The following ADA2 variants were observed in gnomAD, a reference collection of about 807,000 sequenced individuals.
ADA2 encodes adenosine deaminase 2.
In ADA2, 29 loss-of-function variants were observed where a neutral mutation model predicts 44.2. The observed-to-expected ratio is 0.66, with a 90% CI of 0.49 to 0.89. ADA2 has a LOEUF of 0.89. ADA2 is among the 40% of genes least tolerant of loss of function. ADA2 has a pLI of 0.00. For missense variants in ADA2, 637 were observed against 644.8 expected (o/e 0.99, Z 0.13); for synonymous variants, 215 against 234.9 (o/e 0.92, Z 0.77).
intron 4 of ADA2, 73 bp from the exon 5 acceptor site, chr22:17,191,883 C>CCCAGCCACCCCTGG (rs1385360984): frequency 1.4e-6 from 2 of 1,472,392 alleles, no homozygotes; most frequent in Admixed American, 3.8e-5. Flanking sequence ...GCCACCCCTG[C>CCCAGCCACCCCTGG]CCAGCCACCC....
intron 4 of ADA2, among the ~76,000 whole-genome samples, chr22:17,202,673 G>A (rs192534638): frequency 1.2e-4 from 19 of 152,104 alleles, no homozygotes; most frequent in Admixed American, 1.1e-3. Context: ...CAGCTATCTC[G>A]ATGTTCTTTT....
rs45511697 is a variant in ADA2, at chr22:17,188,348, C to T, written c.1072G>A (p.Gly358Arg). 2.0e-5 allele frequency: 33 copies of T among 1,613,038 alleles called. No homozygotes were observed. Among genetic ancestry groups the T allele is most frequent in the African/African-American group, 9.3e-5 (7 of 75,042 alleles). Residue 358 changes from glycine to arginine, a missense_variant, in exon 7 of 10, where the codon GGA becomes AGA. Physicochemically the swap from Gly to Arg is moderately radical, Grantham distance 125. Coordinates refer to ENST00000399837, the MANE Select transcript of ADA2 (RefSeq NM_001282225.2). ...GVKLPYFFHA[G>R]ETDWQGTSID... ...CATCCCGCAGGCTCACCTGTTTCTC[C>T]GGCGTGGAAGAAGTAAGGCAGCTTA...
At chr22:17,191,120 G>A (rs1242844364) in intron 5 of ADA2, among the ~76,000 whole-genome samples, 1 of 152,250 alleles carries the variant, frequency 6.6e-6, no homozygotes, top group Non-Finnish European at 1.5e-5. Flanking sequence ...GAGGGGAGGG[G>A]TCTTGTCTGG....
chr22:17,199,440 T>TTCCCCCCCC, intron 4 of ADA2: 1 of 1,027,938 alleles, frequency 9.7e-7, no homozygotes, highest in Non-Finnish European at 1.5e-6. Flanking sequence ...CTCTATCCTC[T>TTCCCCCCCC]TCCCCTCCAC....
At chr22:17,187,822 A>G (rs1219041448) in intron 7 of ADA2, among the ~76,000 whole-genome samples, 1 of 152,058 alleles carries the variant, frequency 6.6e-6, no homozygotes, top group Non-Finnish European at 1.5e-5. Context: ...CAATTAGAAA[A>G]GGCCAGGCGC....
At chr22:17,197,767 G>A (rs1049425242) in intron 4 of ADA2, among the ~76,000 whole-genome samples, 24 of 152,176 alleles carry the variant, frequency 1.6e-4, no homozygotes, top group African/African-American at 5.8e-4. Context: ...GGCTGAGCAC[G>A]GTGGCTCACG....
intron 4 of ADA2, chr22:17,198,483 G>A (rs1260862977): frequency 6.6e-6 from 1 of 152,230 alleles, no homozygotes; most frequent in East Asian, 1.9e-4. Context: ...ATGACACAGG[G>A]TTCGCTTCAT....
chr22:17,199,250 C>T (rs1462963425), intron 4 of ADA2, among the ~76,000 whole-genome samples: 1 of 152,126 alleles, frequency 6.6e-6, no homozygotes, highest in Non-Finnish European at 1.5e-5. Flanking sequence ...AGTCTCTCCA[C>T]CTCCGGCTCT....
At chr22:17,220,205 G>A (rs2062513097), upstream of ADA2, among the ~76,000 whole-genome samples, 3 of 152,204 alleles carry the variant, frequency 2.0e-5, no homozygotes, top group African/African-American at 7.2e-5. Context: ...ATGTTTTAGG[G>A]GGGAAATCAG....
At chr22:17,209,332 A>C (rs779438036) in intron 2 of ADA2, 24 bp downstream of exon 2, 37 of 1,599,900 alleles carry the variant, frequency 2.3e-5, no homozygotes, top group Non-Finnish European at 3.1e-5. Context: ...CCAGCACCCC[A>C]AGCCACCCCT....
At chr22:17,184,590 T>G (rs1271076800) in intron 7 of ADA2, among the ~76,000 whole-genome samples, 1 of 152,098 alleles carries the variant, frequency 6.6e-6, no homozygotes, top group African/African-American at 2.4e-5. Flanking sequence ...ATGCATGTAC[T>G]CTATTCTTGC....
intron 6 of ADA2, 185 bp from the exon 7 acceptor site, chr22:17,188,632 C>G: frequency 2.2e-6 from 1 of 446,870 alleles, no homozygotes; most frequent in Non-Finnish European, 4.0e-6. Flanking sequence ...GTAATCCCAG[C>G]ACTTTGGGAG....
chr22:17,208,308 C>T (rs147333370), intron 2 of ADA2, among the ~76,000 whole-genome samples: 5,248 of 151,434 alleles, frequency 0.035, 148 homozygotes, highest in East Asian at 0.081. Context: ...CCTGTAATCC[C>T]AGCTACTCGG....
chr22:17,203,543 G>A lies in ADA2; in HGVS notation c.753+20C>T, dbSNP rs2286349. 37 of 1,598,476 alleles carry A rather than the reference G, an allele frequency of 2.3e-5. No homozygotes were observed. In the South Asian group the frequency reaches 3.8e-4, roughly 16 times the overall value. ...CAGAGCAAAGGAGGTGGGAGGAACA[G>A]AGAGGAGAGCTGGGCTCACCGGCAG... On this transcript the variant is annotated intron_variant, in intron 4 of 9. Transcript: ENST00000399837.
upstream of ADA2, among the ~76,000 whole-genome samples, chr22:17,221,330 C>T (rs1269274459): frequency 6.6e-6 from 1 of 151,870 alleles, no homozygotes; most frequent in East Asian, 1.9e-4. Flanking sequence ...GGTACATGTG[C>T]ACAATGTGCA....
At chr22:17,202,843 G>A (rs1220931126) in intron 4 of ADA2, among the ~76,000 whole-genome samples, 1 of 151,036 alleles carries the variant, frequency 6.6e-6, no homozygotes, top group Non-Finnish European at 1.5e-5. Flanking sequence ...GAGTGCAGTG[G>A]TGCGATCTTG....
intron 4 of ADA2, among the ~76,000 whole-genome samples, chr22:17,202,265 A>T (rs2062298275): frequency 6.6e-6 from 1 of 151,898 alleles, no homozygotes. Flanking sequence ...AAGTAGCTAG[A>T]AGTACAGGCA....
rs1302668150 is a variant in ADA2, at chr22:17,181,226, A to T, written c.*257T>A. The T allele has an allele frequency of 6.8e-6, 3 of 441,392 alleles. No homozygotes were observed. The highest frequency in any genetic ancestry group is 6.0e-5 in the African/African-American group (3 of 50,118). The allele number at this position is 441,392 out of a possible 1,614,324, so 27.3% of individuals were successfully genotyped here. ...TGAGGAAACAGCACAGAGATCAGAGAGAGGAGAAGACTCTGAAATAGGGAA... is the reference window on the plus strand; with the variant it reads ...TGAGGAAACAGCACAGAGATCAGAGTGAGGAGAAGACTCTGAAATAGGGAA... On this transcript the variant is annotated 3_prime_UTR_variant, in exon 10 of 10. Coordinates refer to ENST00000399837, the MANE Select transcript of ADA2 (RefSeq NM_001282225.2).
chr22:17,199,699 G>T (rs1417487105), intron 4 of ADA2: 20 of 1,523,316 alleles, frequency 1.3e-5, no homozygotes, highest in African/African-American at 2.7e-5. Context: ...GAACTTAGGA[G>T]CCCTGGTCTG....
Sources: gnomAD v4.1 joint callset for allele counts (sites outside exome capture counted in the v4.1 genomes callset) on GRCh38, gnomAD v4.1.1 for gene constraint, MANE v1.5 for transcripts, NCBI Gene and HGNC (gene_info 2026-07-23, HGNC 2026-07-21) for gene names.